The following GABBR2 variants were observed in gnomAD, a reference collection of about 807,000 sequenced individuals.
GABBR2 encodes the protein gamma-aminobutyric acid type B receptor subunit 2.
Under a neutral mutation model 105.6 loss-of-function variants are expected in GABBR2, and 23 were observed. That is an observed-to-expected ratio of 0.22 (90% CI 0.16 to 0.31). The LOEUF (loss-of-function observed/expected upper bound fraction) is 0.31, where lower values mean the gene tolerates loss of function less well. GABBR2 is among the 10% of genes least tolerant of loss of function. GABBR2 has a pLI of 1.00. For missense variants in GABBR2, 734 were observed against 1,245.5 expected, an observed-to-expected ratio of 0.59 and a Z score of 6.18; for synonymous variants, 478 against 499.7, an observed-to-expected ratio of 0.96 and a Z score of 0.58.
At chr9:98,494,067 G>T (rs1827228224) in intron 4 of GABBR2, among the ~76,000 whole-genome samples, 1 of 152,200 alleles carries the variant, frequency 6.6e-6, no homozygotes. Flanking sequence ...GAGAGGACAT[G>T]CCATGTGTGG....
chr9:98,620,260 T>TCTCTCTCC (rs1321713721), intron 1 of GABBR2, among the ~76,000 whole-genome samples: 39 of 151,372 alleles, frequency 2.6e-4, no homozygotes, highest in Admixed American at 2.4e-3. Flanking sequence ...TCTCTCTCTC[T>TCTCTCTCC]CTCTCTCTCC....
intron 2 of GABBR2, among the ~76,000 whole-genome samples, chr9:98,554,069 G>A (rs138397238): frequency 3.9e-4 from 59 of 152,260 alleles, no homozygotes; most frequent in African/African-American, 1.4e-3. Flanking sequence ...ACTCAAAGCC[G>A]CATGTTAACA....
chr9:98,471,291 A>AG (rs1826670103), intron 6 of GABBR2, among the ~76,000 whole-genome samples: 2 of 152,118 alleles, frequency 1.3e-5, no homozygotes, highest in Non-Finnish European at 1.5e-5. Flanking sequence ...TGTCCCCTCC[A>AG]GGGGGTGGGC....
In GABBR2 at chr9:98,290,642, G is replaced by A; in HGVS notation, c.2768C>T (p.Ala923Val). 1 of 1,452,602 alleles carries A rather than the reference G, an allele frequency of 6.9e-7. No individual in the cohort carries two copies. The allele number at this position is 1,452,602 out of a possible 1,614,324, so 90.0% of individuals were successfully genotyped here. ...TGGCACATGTCTGTGGCGGGGGCTGGCGGTGGGGCTGACGCAGGGGCTGAC... is the reference window on the plus strand; with the variant it reads ...TGGCACATGTCTGTGGCGGGGGCTGACGGTGGGGCTGACGCAGGGGCTGAC... ...SCVSPCVSPT[A>V]SPRHRHVPPS... Residue 923 changes from alanine (A) to valine (V), a missense_variant, in exon 19 of 19, where the codon GCC becomes GTC. Ala to Val is a moderately conservative substitution (Grantham distance 64). Transcript: ENST00000259455.
intron 1 of GABBR2, among the ~76,000 whole-genome samples, chr9:98,648,420 A>G (rs1326844253): frequency 6.6e-6 from 1 of 152,148 alleles, no homozygotes; most frequent in Non-Finnish European, 1.5e-5. Flanking sequence ...GGCATGAGCC[A>G]CCGCACCTGG....
intron 6 of GABBR2, among the ~76,000 whole-genome samples, chr9:98,460,351 C>T (rs553358718): frequency 4.7e-4 from 72 of 151,936 alleles, no homozygotes; most frequent in African/African-American, 1.6e-3. Context: ...ACTCTGGCCT[C>T]GGTGACAGAG....
chr9:98,426,472 A>G (rs1215901405), intron 7 of GABBR2, among the ~76,000 whole-genome samples: 1 of 152,212 alleles, frequency 6.6e-6, no homozygotes, highest in Non-Finnish European at 1.5e-5. Context: ...TGGATCTCAC[A>G]GTGCTCAGCT....
chr9:98,343,399 G>A (rs1179745255), intron 13 of GABBR2, among the ~76,000 whole-genome samples: 2 of 152,106 alleles, frequency 1.3e-5, no homozygotes, highest in South Asian at 2.1e-4. Flanking sequence ...CTGCCATGTC[G>A]CTCCATTTCA....
rs1302571316 is a variant in GABBR2 at position 98,442,339 on chromosome 9, C to T, written c.1236+11642G>A. On this transcript the variant is annotated intron_variant, in intron 7 of 18. Coordinates refer to ENST00000259455, the MANE Select transcript of GABBR2 (RefSeq NM_005458.8). ...CTGGGGTGGTGGGAAGTGCTGATCT[C>T]ATTGGTTTATTTCCACATTGTCCTT... Among the ~76,000 whole-genome samples the T allele has an allele frequency of 1.4e-4, 21 of 152,182 alleles. 1 individual carries two copies.
intron 3 of GABBR2, among the ~76,000 whole-genome samples, chr9:98,510,338 A>C (rs1340345692): frequency 6.6e-6 from 1 of 152,188 alleles, no homozygotes; most frequent in Non-Finnish European, 1.5e-5. Context: ...AAAGACCATC[A>C]AGGCTAGGAA....
chr9:98,378,258 G>A (rs1831912049), intron 11 of GABBR2, among the ~76,000 whole-genome samples: 1 of 152,134 alleles, frequency 6.6e-6, no homozygotes, highest in Admixed American at 6.5e-5. Flanking sequence ...ACACTCCCCA[G>A]TCCAGTGTCT....
intron 3 of GABBR2, among the ~76,000 whole-genome samples, chr9:98,512,518 C>A (rs1827667196): frequency 6.6e-6 from 1 of 152,204 alleles, no homozygotes; most frequent in Admixed American, 6.5e-5. Context: ...CCCATCGTCT[C>A]AGCCCAAAAT....
At chr9:98,431,425 T>C (rs1016953434) in intron 7 of GABBR2, among the ~76,000 whole-genome samples, 2 of 152,134 alleles carry the variant, frequency 1.3e-5, no homozygotes, top group African/African-American at 4.8e-5. Context: ...AGGGCAGTAC[T>C]TGGCACATAG....
chr9:98,313,460 T>C (rs2131365080), intron 13 of GABBR2, among the ~76,000 whole-genome samples: 1 of 152,284 alleles, frequency 6.6e-6, no homozygotes, highest in East Asian at 1.9e-4. Flanking sequence ...ATTCCATATT[T>C]TCATCACTCT....
intron 1 of GABBR2, among the ~76,000 whole-genome samples, chr9:98,635,430 A>T (rs749700876): frequency 1.1e-4 from 16 of 152,198 alleles, no homozygotes; most frequent in Admixed American, 2.0e-4. Context: ...TCAGAGGGCT[A>T]GAGAGGAATG....
intron 13 of GABBR2, among the ~76,000 whole-genome samples, chr9:98,354,488 C>T (rs1279547612): frequency 1.3e-5 from 2 of 152,226 alleles, no homozygotes; most frequent in Non-Finnish European, 2.9e-5. Context: ...TTAGTGTAGC[C>T]ACTTTCATCA....
Position 98,537,413 on chromosome 9 carries a change from G to A in GABBR2, c.630+4460C>T, listed in dbSNP as rs1828203423. 2.0e-5 allele frequency among the ~76,000 whole-genome samples: 3 copies of A among 152,118 alleles called. No homozygotes were observed. In the South Asian group the frequency reaches 6.2e-4, roughly 32 times the overall value. On this transcript the variant is annotated intron_variant, in intron 3 of 18. Transcript: ENST00000259455. ...ATGGGAATTTTTAGAGTGATGAAGA[G>A]TGTTCTAAAACTGGATTGTGGCGAT...
rs188461512 is a variant in GABBR2, at chr9:98,653,352, C to G, written c.321+55065G>C. On this transcript the variant is annotated intron_variant, in intron 1 of 18. Coordinates refer to ENST00000259455, the MANE Select transcript of GABBR2 (RefSeq NM_005458.8). ...TTGTGGAGCACAGCTATACAGACAA[C>G]GGGATCCTTTCTCTAAGCAGTTAGT... is the stretch of plus-strand genomic sequence containing the variant. Among the ~76,000 whole-genome samples, 4 of 152,252 alleles carry G rather than the reference C, an allele frequency of 2.6e-5. No homozygotes were observed. The East Asian group carries it at 7.7e-4, about 29-fold the overall frequency.
rs117038292 is a variant in GABBR2, at chr9:98,457,364, A to G, written c.1000-3147T>C. Among the ~76,000 whole-genome samples, 13 of 152,342 alleles carry G rather than the reference A, an allele frequency of 8.5e-5. No individual in the cohort carries two copies. The East Asian group carries it at 2.5e-3, about 29-fold the overall frequency. The stretch of plus-strand genomic sequence containing the variant: ...AAGTGGGAGGTCCAGACTTGAGGTG[A>G]ACATTCCCAGTGTGGTCTCACTGGG... On this transcript the variant is annotated intron_variant, in intron 6 of 18. Transcript: ENST00000259455.
Sources: gnomAD v4.1 joint callset for allele counts (sites outside exome capture counted in the v4.1 genomes callset) on GRCh38, gnomAD v4.1.1 for gene constraint, MANE v1.5 for transcripts, NCBI Gene and HGNC (gene_info 2026-07-23, HGNC 2026-07-21) for gene names.